The following AFAP1L1 variants were observed in gnomAD, a reference collection of about 807,000 sequenced individuals.
The protein encoded by AFAP1L1 is actin filament associated protein 1 like 1, also known as actin filament-associated protein 1-like 1.
A neutral mutation model predicts 99.8 loss-of-function variants in AFAP1L1; 77 were observed. That is an observed-to-expected ratio of 0.77 (90% CI 0.64 to 0.93). AFAP1L1 has a LOEUF of 0.93. Among genes scored for constraint, AFAP1L1 ranks in the 40% least tolerant of loss-of-function variants. The pLI, the probability that AFAP1L1 is intolerant of heterozygous loss-of-function variation, is 0.00. For synonymous variants in AFAP1L1, 373 were observed against 395.3 expected (o/e 0.94, Z 0.67); for missense variants, 893 against 996.8 (o/e 0.90, Z 1.40).
intron 7 of AFAP1L1, among the ~76,000 whole-genome samples, chr5:149,307,987 C>T (rs907436122): frequency 6.6e-6 from 1 of 152,048 alleles, no homozygotes; most frequent in Admixed American, 6.6e-5. Context: ...GAAACCCCAT[C>T]TCTACTAAAA....
chr5:149,305,178 A>G (rs898177514), intron 5 of AFAP1L1, among the ~76,000 whole-genome samples: 14 of 152,240 alleles, frequency 9.2e-5, no homozygotes, highest in Non-Finnish European at 1.8e-4. Context: ...ATTGACGTGC[A>G]TTGTATCACT....
Position 149,310,088 on chromosome 5 carries a change from T to G in AFAP1L1, c.880T>G (p.Leu294Val). 6.2e-7 allele frequency: 1 copy of G among 1,613,742 alleles called. No individual in the cohort carries two copies. The highest frequency in any genetic ancestry group is 8.5e-7 in the Non-Finnish European group (1 of 1,179,804). Residue 294 changes from leucine to valine, a missense_variant, in exon 8 of 19, where the codon TTG (leucine) becomes GTG (valine). Coordinates refer to ENST00000296721, the MANE Select transcript of AFAP1L1 (RefSeq NM_152406.4). ...LRFTQGATEVLVLALQSREQA... is the reference protein window; with the variant it reads ...LRFTQGATEVVVLALQSREQA... ...TTTCACCCAGGGGGCTACCGAGGTC[T>G]TGGTGCTGGCACTGCAGAGCCGAGA...
chr5:149,325,894 T>G (rs770407622), intron 15 of AFAP1L1, among the ~76,000 whole-genome samples: 2 of 152,184 alleles, frequency 1.3e-5, no homozygotes, highest in African/African-American at 2.4e-5. Flanking sequence ...GGCAAAGCCC[T>G]CATGGCCTAA....
At chr5:149,302,554 G>T in intron 5 of AFAP1L1, 28 bp downstream of exon 5, 1 of 1,544,760 alleles carries the variant, frequency 6.5e-7, no homozygotes, top group South Asian at 1.2e-5. Flanking sequence ...TGGTGGGGCT[G>T]GGGACTTCCT....
At chr5:149,279,539 C>G (rs1294368301) in intron 1 of AFAP1L1, among the ~76,000 whole-genome samples, 1 of 151,694 alleles carries the variant, frequency 6.6e-6, no homozygotes, top group Non-Finnish European at 1.5e-5. Flanking sequence ...TATGAATTAT[C>G]TATGCTTAAG....
chr5:149,334,879 A>C lies in AFAP1L1; in HGVS notation c.2155-715A>C, dbSNP rs1029376941. On this transcript the variant is annotated intron_variant, in intron 17 of 18. Transcript: ENST00000296721. ...TGGCAAGAGAGCAAGACTCTGTCTTACAAAAAAAAAAGAAAGAAAGGAAAG... is the reference window on the plus strand; with the variant it reads ...TGGCAAGAGAGCAAGACTCTGTCTTCCAAAAAAAAAAGAAAGAAAGGAAAG... Among the ~76,000 whole-genome samples, 3 of 151,912 alleles carry C rather than the reference A, an allele frequency of 2.0e-5. No homozygotes were observed. The South Asian group carries it at 6.3e-4, about 32-fold the overall frequency.
intron 15 of AFAP1L1, among the ~76,000 whole-genome samples, chr5:149,324,780 G>A (rs979229269): frequency 2.0e-5 from 3 of 152,198 alleles, no homozygotes; most frequent in Non-Finnish European, 4.4e-5. Context: ...CTGGTTGTTG[G>A]AAGGAGGCCT....
intron 1 of AFAP1L1, among the ~76,000 whole-genome samples, chr5:149,298,671 G>T (rs1375605464): frequency 2.0e-5 from 3 of 152,158 alleles, no homozygotes; most frequent in African/African-American, 7.2e-5. Flanking sequence ...CTGGTCTTTG[G>T]CTCTAAGGCA....
Position 149,322,698 on chromosome 5 carries a change from A to C in AFAP1L1, c.1791A>C (p.Lys597Asn). The change falls in exon 15 of 19, where the codon AAA becomes AAC. Residue 597 changes from lysine to asparagine, a missense_variant. Physicochemically the swap from Lys to Asn is moderately conservative, Grantham distance 94. Transcript: ENST00000296721. ...CCCATCGTGTGGACCCGCAGGTCAA[A>C]GTCAAACGCCACGCCTCCAGTGAGT... ...EKSHRVDPQV[K>N]VKRHASSANQ... 4 of 1,587,416 alleles carry C rather than the reference A, an allele frequency of 2.5e-6. No homozygotes were observed. Among genetic ancestry groups the C allele is most frequent in the Non-Finnish European group, 3.4e-6 (4 of 1,165,662 alleles).
rs1453133663 is a variant in AFAP1L1 at position 149,326,725 on chromosome 5, T to C, written c.1811-2941T>C. Among the ~76,000 whole-genome samples the C allele has an allele frequency of 3.3e-5, 5 of 152,102 alleles. No individual in the cohort carries two copies. In the East Asian group the frequency reaches 5.8e-4, roughly 18 times the overall value. ...GTAATTGATGCATTGTCAAAATCAA[T>C]AGAGCAAACACCTGACAATTAGTAG... On this transcript the variant is annotated intron_variant, in intron 15 of 18. Coordinates refer to ENST00000296721, the MANE Select transcript of AFAP1L1 (RefSeq NM_152406.4).
intron 1 of AFAP1L1, among the ~76,000 whole-genome samples, chr5:149,286,489 G>A (rs1345211480): frequency 1.3e-5 from 2 of 152,158 alleles, no homozygotes; most frequent in African/African-American, 4.8e-5. Context: ...TATTAGTGTA[G>A]CCTGTGGCAT....
rs943117857 is a variant in AFAP1L1, at chr5:149,302,491, G to A, written c.401G>A (p.Gly134Glu). The stretch of plus-strand genomic sequence containing the variant: ...TACTATGAAGAGGCCCTTCCTCTGG[G>A]ACCCGGCAAGTCGCCTGAGTACATC... ...EDYYEEALPL[G>E]PGKSPEYISS... Residue 134 changes from glycine to glutamate, a missense_variant, in exon 5 of 19, where the codon GGA becomes GAA. Gly to Glu is a moderately conservative substitution (Grantham distance 98). Transcript: ENST00000296721. 1.3e-6 allele frequency: 2 copies of A among 1,592,134 alleles called. No homozygotes were observed. The highest frequency in any genetic ancestry group is 1.1e-5 in the South Asian group (1 of 87,110).
chr5:149,335,777 T>A, intron 18 of AFAP1L1, 55 bp downstream of exon 18: 1 of 1,588,498 alleles, frequency 6.3e-7, no homozygotes. Context: ...CCCCTTTCTA[T>A]GGAACTTCAC....
Position 149,302,530 on chromosome 5 carries a change from A to C in AFAP1L1, c.436+4A>C. 1 of 1,572,250 alleles carries C rather than the reference A, an allele frequency of 6.4e-7. No homozygotes were observed. Among genetic ancestry groups the C allele is most frequent in the Non-Finnish European group, 8.6e-7 (1 of 1,157,994 alleles). On this transcript the variant is annotated splice_donor_region_variant and intron_variant, in intron 5 of 18. Transcript: ENST00000296721. ...CCTGAGTACATCAGCTCCCACAGTA[A>C]GTTCTGGTCCTCTTGGTGGGGCTGG...
intron 1 of AFAP1L1, among the ~76,000 whole-genome samples, chr5:149,287,452 C>T (rs1755717563): frequency 6.6e-6 from 1 of 152,050 alleles, no homozygotes; most frequent in Non-Finnish European, 1.5e-5. Flanking sequence ...TGTGTGCTTA[C>T]TCCATTATCA....
rs114524063 is a variant in AFAP1L1, at chr5:149,277,396, C to T, written c.16+5412C>T. Among the ~76,000 whole-genome samples, 679 of 152,278 alleles carry T rather than the reference C, an allele frequency of 4.5e-3. 7 individuals are homozygous for T. Among genetic ancestry groups the T allele is most frequent in the African/African-American group, 0.016 (647 of 41,562 alleles). Reference sequence around the variant, plus strand: ...CCTCCGTTGAACCAGCTTTTGAGATCCAAATTAGGAAGGCCATGTCTTCCC... The same window carrying T: ...CCTCCGTTGAACCAGCTTTTGAGATTCAAATTAGGAAGGCCATGTCTTCCC... On this transcript the variant is annotated intron_variant, in intron 1 of 18. Coordinates refer to ENST00000296721, the MANE Select transcript of AFAP1L1 (RefSeq NM_152406.4).
chr5:149,329,102 G>T (rs352337), intron 15 of AFAP1L1, among the ~76,000 whole-genome samples: 1 of 152,018 alleles, frequency 6.6e-6, no homozygotes, highest in Admixed American at 6.5e-5. Flanking sequence ...TCTGAAAACT[G>T]ACTATAAAAT....
At position 149,306,420 on chromosome 5, in the gene AFAP1L1, G is replaced by A. The variant is rs1053346017; in HGVS notation, c.535+16G>A. On this transcript the variant is annotated intron_variant, in intron 6 of 18. Coordinates refer to ENST00000296721, the MANE Select transcript of AFAP1L1 (RefSeq NM_152406.4). ...AAGAGCTCCTGTAAGTACCAGGTGG[G>A]CGTCCAGATGCTGGGCAGGGCTTCT... is the stretch of plus-strand genomic sequence containing the variant. The A allele has an allele frequency of 6.3e-7, 1 of 1,597,428 alleles. No individual in the cohort carries two copies. Among genetic ancestry groups the A allele is most frequent in the Non-Finnish European group, 8.5e-7 (1 of 1,170,212 alleles).
intron 1 of AFAP1L1, among the ~76,000 whole-genome samples, chr5:149,289,993 G>C (rs1342138748): frequency 6.6e-6 from 1 of 152,236 alleles, no homozygotes; most frequent in Non-Finnish European, 1.5e-5. Flanking sequence ...CAGCACTTTG[G>C]GAGGCCGAGG....
Sources: allele counts gnomAD v4.1 joint callset (sites outside exome capture counted in the v4.1 genomes callset), GRCh38; gene constraint gnomAD v4.1.1; transcripts MANE v1.5; gene names NCBI Gene and HGNC (gene_info 2026-07-23, HGNC 2026-07-21).